TLN2: variants seen among roughly 807,000 people sequenced by gnomAD.
TLN2 encodes the protein talin 2, also known as talin-2.
A neutral mutation model predicts 294.7 loss-of-function variants in TLN2; 118 were observed. The observed-to-expected ratio is 0.40, with a 90% CI of 0.34 to 0.47. The LOEUF (loss-of-function observed/expected upper bound fraction) is 0.47. Ranked by LOEUF, TLN2 falls within the 20% of genes least tolerant of loss-of-function variation. The probability of loss-of-function intolerance (pLI) is 0.84; values close to 1 mark genes in which losing one functional copy is unlikely to be tolerated. For missense variants in TLN2, 3,083 were observed against 3,282.2 expected (o/e 0.94, Z 1.48); for synonymous variants, 1,431 against 1,304.5 (o/e 1.10, Z -2.09).
At chr15:62,484,481 A>G (rs1033121942) in intron 1 of TLN2, among the ~76,000 whole-genome samples, 4 of 151,560 alleles carry the variant, frequency 2.6e-5, no homozygotes, top group East Asian at 1.9e-4. Context: ...GCTGGAGTGC[A>G]GTGGCGCGAT....
intron 2 of TLN2, among the ~76,000 whole-genome samples, chr15:62,594,716 A>G (rs1433719069): frequency 6.6e-6 from 1 of 152,244 alleles, no homozygotes; most frequent in African/African-American, 2.4e-5. Flanking sequence ...AAAAGAAAAC[A>G]TAAGGGAAAA....
chr15:62,594,044 A>G (rs1231253019), intron 2 of TLN2, among the ~76,000 whole-genome samples: 1 of 152,244 alleles, frequency 6.6e-6, no homozygotes, highest in Non-Finnish European at 1.5e-5. Flanking sequence ...GAGCAAAAAG[A>G]ACAAAGCTGG....
intron 1 of TLN2, among the ~76,000 whole-genome samples, chr15:62,401,265 C>T (rs2032999434): frequency 6.6e-6 from 1 of 152,030 alleles, no homozygotes; most frequent in South Asian, 2.1e-4. Context: ...AACGTTTATT[C>T]TGTTTTCAGC....
Position 62,796,303 on chromosome 15 carries a change from G to A in TLN2, c.6050+10G>A. 6.2e-7 allele frequency: 1 copy of A among 1,608,254 alleles called. No homozygotes were observed. The stretch of plus-strand genomic sequence containing the variant: ...CCTTCGCAGACCACAGGTACGTGGG[G>A]GTCCTGGACGGGGAGAGGTTCAGGC... On this transcript the variant is annotated intron_variant, in intron 47 of 58. Coordinates refer to ENST00000636159, the MANE Select transcript of TLN2 (RefSeq NM_015059.3).
chr15:62,758,763 C>G (rs1028210142), intron 37 of TLN2: 1 of 152,170 alleles, frequency 6.6e-6, no homozygotes, highest in African/African-American at 2.4e-5. Context: ...TGTTCTGTTG[C>G]CTTTGTCTAA....
intron 2 of TLN2, among the ~76,000 whole-genome samples, chr15:62,617,269 T>C (rs1276303012): frequency 2.0e-5 from 3 of 152,022 alleles, no homozygotes. Context: ...GTCTGTTTTG[T>C]CACCTCTGTG....
At position 62,502,047 on chromosome 15, in the gene TLN2, G is replaced by A. The variant is rs181531949; in HGVS notation, c.-237-87640G>A. ...CTCTCTTTGTCCTAAGCCTATGATG[G>A]GCCTTATAGGAGAACTAGTCACAGG... On this transcript the variant is annotated intron_variant, in intron 1 of 58. Coordinates refer to ENST00000636159, the MANE Select transcript of TLN2 (RefSeq NM_015059.3). Among the ~76,000 whole-genome samples the A allele has an allele frequency of 4.3e-3, 659 of 152,206 alleles. 7 individuals are homozygous for A. The highest frequency in any genetic ancestry group is 0.015 in the African/African-American group (619 of 41,508).
Position 62,762,257 on chromosome 15 carries a change from G to C in TLN2, c.4780-15G>C. ...CTTCGACCCTGACTTTGATTTCTCT[G>C]CTGTTTGGTCTCAGGGTTCCCAGGC... On this transcript the variant is annotated splice_polypyrimidine_tract_variant and intron_variant, in intron 38 of 58. Transcript: ENST00000636159. 6.2e-7 allele frequency: 1 copy of C among 1,613,874 alleles called. No individual in the cohort carries two copies. Among genetic ancestry groups the C allele is most frequent in the Non-Finnish European group, 8.5e-7 (1 of 1,179,808 alleles).
chr15:62,469,955 T>TGAGAGAGAGAGC (rs943872302), intron 1 of TLN2, among the ~76,000 whole-genome samples: 1 of 150,844 alleles, frequency 6.6e-6, no homozygotes. Context: ...GGTGTGTGTG[T>TGAGAGAGAGAGC]GAGAGAGAGA....
At chr15:62,691,333 A>G (rs1420195760) in intron 12 of TLN2, among the ~76,000 whole-genome samples, 1 of 151,922 alleles carries the variant, frequency 6.6e-6, no homozygotes, top group East Asian at 1.9e-4. Flanking sequence ...ATCTATTTTC[A>G]GGTTTACTGA....
intron 57 of TLN2, 108 bp from the exon 58 acceptor site, chr15:62,838,748 G>T: frequency 1.4e-6 from 2 of 1,416,230 alleles, no homozygotes; most frequent in South Asian, 1.4e-5. Context: ...TGTTATAATT[G>T]GATAATCAAT....
At chr15:62,688,937 TA>T (rs1369175873) in intron 12 of TLN2, among the ~76,000 whole-genome samples, 6 of 152,142 alleles carry the variant, frequency 3.9e-5, no homozygotes, top group Non-Finnish European at 2.9e-5. Context: ...AGTTGGGTTA[TA>T]TTTTTTTAAT....
intron 1 of TLN2, among the ~76,000 whole-genome samples, chr15:62,571,233 C>T (rs1042468004): frequency 3.3e-5 from 5 of 152,186 alleles, no homozygotes; most frequent in African/African-American, 1.2e-4. Context: ...ATTCCTCAGC[C>T]AGGCAGCAAA....
At chr15:62,812,042 TAAA>T (rs1486688409) in intron 52 of TLN2, among the ~76,000 whole-genome samples, 2 of 151,312 alleles carry the variant, frequency 1.3e-5, no homozygotes, top group Non-Finnish European at 2.9e-5. Flanking sequence ...AATAAATAAA[TAAA>T]TAAATAAATA....
chr15:62,792,829 T>G, intron 46 of TLN2, 42 bp downstream of exon 46: 1 of 1,607,600 alleles, frequency 6.2e-7, no homozygotes, highest in Non-Finnish European at 8.5e-7. Flanking sequence ...GAACCTGCGC[T>G]GGCTCTCAGT....
intron 1 of TLN2, among the ~76,000 whole-genome samples, chr15:62,480,944 C>A (rs1371837057): frequency 6.6e-6 from 1 of 152,190 alleles, no homozygotes; most frequent in Non-Finnish European, 1.5e-5. Flanking sequence ...TGTCCCCACC[C>A]CAGAGCTAGC....
intron 28 of TLN2, among the ~76,000 whole-genome samples, chr15:62,731,078 A>T (rs1056053999): frequency 6.6e-6 from 1 of 151,996 alleles, no homozygotes; most frequent in Admixed American, 6.6e-5. Context: ...TCTGCTTTCA[A>T]CCCCTTCAGT....
At chr15:62,637,861 G>A (rs2050555321) in intron 3 of TLN2, 1 of 152,296 alleles carries the variant, frequency 6.6e-6, no homozygotes, top group South Asian at 2.1e-4. Flanking sequence ...GGGTAACGGA[G>A]GACCTGGAGC....
chr15:62,568,569 A>C (rs763222089), intron 1 of TLN2, among the ~76,000 whole-genome samples: 1 of 152,192 alleles, frequency 6.6e-6, no homozygotes, highest in Non-Finnish European at 1.5e-5. Context: ...CTGTGTTAGC[A>C]ACGGAGATGG....
Sources: gnomAD v4.1 joint callset for allele counts (sites outside exome capture counted in the v4.1 genomes callset) on GRCh38, gnomAD v4.1.1 for gene constraint, MANE v1.5 for transcripts, NCBI Gene and HGNC (gene_info 2026-07-23, HGNC 2026-07-21) for gene names.